Variants in THRB observed in about 807,000 individuals in gnomAD.
THRB encodes the protein thyroid hormone receptor beta, also known as nuclear receptor subfamily 1 group A member 2.
THRB carries 12 observed loss-of-function variants against 47.8 expected under a neutral mutation model. The ratio of observed to expected loss-of-function variants is 0.25; its 90% CI spans 0.16 to 0.41. The LOEUF is 0.41. Ranked by LOEUF, THRB falls within the 10% of genes least tolerant of loss-of-function variation. The pLI, the probability that THRB is intolerant of heterozygous loss-of-function variation, is 1.00. For missense variants in THRB, 348 were observed against 589.2 expected, an observed-to-expected ratio of 0.59 and a Z score of 4.24; for synonymous variants, 218 against 212.2, an observed-to-expected ratio of 1.03 and a Z score of -0.24.
At chr3:24,375,302 T>G (rs2065186841) in intron 1 of THRB, among the ~76,000 whole-genome samples, 1 of 147,566 alleles carries the variant, frequency 6.8e-6, no homozygotes, top group Non-Finnish European at 1.5e-5. Flanking sequence ...TTTAGAAATA[T>G]AATATTAATA....
At chr3:24,262,516 C>A (rs2052172194) in intron 3 of THRB, among the ~76,000 whole-genome samples, 1 of 152,188 alleles carries the variant, frequency 6.6e-6, no homozygotes, top group Admixed American at 6.5e-5. Context: ...TTGTTCCTCA[C>A]TCACTCCATT....
chr3:24,443,718 A>G (rs2071778188), intron 1 of THRB, among the ~76,000 whole-genome samples: 1 of 152,234 alleles, frequency 6.6e-6, no homozygotes, highest in South Asian at 2.1e-4. Context: ...CAATAATTCA[A>G]AAGAAACTAT....
chr3:24,400,782 T>G (rs1366406274), intron 1 of THRB, among the ~76,000 whole-genome samples: 1 of 152,098 alleles, frequency 6.6e-6, no homozygotes, highest in African/African-American at 2.4e-5. Flanking sequence ...CTGTAAACTC[T>G]GAAATCCGTG....
At chr3:24,421,800 G>A (rs2069290172) in intron 1 of THRB, among the ~76,000 whole-genome samples, 1 of 151,872 alleles carries the variant, frequency 6.6e-6, no homozygotes, top group Non-Finnish European at 1.5e-5. Flanking sequence ...GCTTGTAGTG[G>A]CAATTTGTTT....
At chr3:24,229,158 A>G (rs2047999503) in intron 3 of THRB, among the ~76,000 whole-genome samples, 157 bp from the exon 4 acceptor site, 1 of 152,200 alleles carries the variant, frequency 6.6e-6, no homozygotes, top group African/African-American at 2.4e-5. Context: ...GGGCTATGTG[A>G]TATGTGTAAA....
chr3:24,162,100 G>C (rs2149249924), intron 5 of THRB, among the ~76,000 whole-genome samples: 1 of 152,088 alleles, frequency 6.6e-6, no homozygotes, highest in South Asian at 2.1e-4. Context: ...TGCAGATGCA[G>C]GCTGTTCGGG....
intron 3 of THRB, among the ~76,000 whole-genome samples, chr3:24,273,730 C>T (rs1265683503): frequency 4.6e-5 from 7 of 152,108 alleles, no homozygotes; most frequent in Non-Finnish European, 7.3e-5. Flanking sequence ...GGGGCATTCC[C>T]CCAGATGTCA....
At chr3:24,332,174 A>G (rs1576907877) in intron 2 of THRB, among the ~76,000 whole-genome samples, 2 of 152,176 alleles carry the variant, frequency 1.3e-5, no homozygotes, top group African/African-American at 4.8e-5. Context: ...ACAGCTAGTA[A>G]TGGGTGCCTT....
chr3:24,209,045 A>T (rs528172252), intron 4 of THRB, among the ~76,000 whole-genome samples: 4 of 152,250 alleles, frequency 2.6e-5, no homozygotes, highest in African/African-American at 9.6e-5. Flanking sequence ...GACTCTTCTC[A>T]AAAGAAGACA....
At chr3:24,268,754 G>C (rs531164747) in intron 3 of THRB, among the ~76,000 whole-genome samples, 139 of 152,046 alleles carry the variant, frequency 9.1e-4, no homozygotes, top group African/African-American at 3.2e-3. Flanking sequence ...TGTTATCTCT[G>C]GGTGTTAAAG....
chr3:24,427,868 C>A (rs2069926571), intron 1 of THRB, among the ~76,000 whole-genome samples: 1 of 152,010 alleles, frequency 6.6e-6, no homozygotes, highest in African/African-American at 2.4e-5. Context: ...TTTCTTGATT[C>A]ACTTCCTGAG....
At chr3:24,293,703 G>A (rs1244472165) in intron 3 of THRB, among the ~76,000 whole-genome samples, 1 of 152,168 alleles carries the variant, frequency 6.6e-6, no homozygotes, top group South Asian at 2.1e-4. Flanking sequence ...TCCTGAGCAT[G>A]GCCTGATTAC....
chr3:24,307,642 G>T (rs1362791782), intron 2 of THRB, among the ~76,000 whole-genome samples: 1 of 151,850 alleles, frequency 6.6e-6, no homozygotes, highest in Non-Finnish European at 1.5e-5. Flanking sequence ...ATTCTGGATG[G>T]TTTTTTTTAG....
At chr3:24,235,100 T>C (rs2048725487) in intron 3 of THRB, among the ~76,000 whole-genome samples, 1 of 152,230 alleles carries the variant, frequency 6.6e-6, no homozygotes, top group African/African-American at 2.4e-5. Flanking sequence ...ATTAGGTTGA[T>C]GCAAAAGCAA....
intron 2 of THRB, among the ~76,000 whole-genome samples, chr3:24,323,443 C>G (rs1312241705): frequency 6.6e-6 from 1 of 152,140 alleles, no homozygotes; most frequent in African/African-American, 2.4e-5. Flanking sequence ...GTTGACTCAG[C>G]CTTCTCCAAT....
intron 1 of THRB, among the ~76,000 whole-genome samples, chr3:24,358,049 T>C (rs1044636291): frequency 6.6e-6 from 1 of 152,192 alleles, no homozygotes; most frequent in African/African-American, 2.4e-5. Flanking sequence ...TTCACTACTA[T>C]ATCCTTAGCC....
At chr3:24,254,491 G>A (rs2051037025) in intron 3 of THRB, among the ~76,000 whole-genome samples, 1 of 151,982 alleles carries the variant, frequency 6.6e-6, no homozygotes, top group African/African-American at 2.4e-5. Context: ...CCAAAAGAGT[G>A]GCTGCAAATA....
chr3:24,272,751 T>C (rs1313433922), intron 3 of THRB, among the ~76,000 whole-genome samples: 1 of 152,166 alleles, frequency 6.6e-6, no homozygotes, highest in South Asian at 2.1e-4. Flanking sequence ...GTAGTCACTT[T>C]TGTTGTGACC....
chr3:24,476,502 C>G (rs535604052), intron 1 of THRB, among the ~76,000 whole-genome samples: 6 of 152,310 alleles, frequency 3.9e-5, no homozygotes, highest in Admixed American at 6.5e-5. Flanking sequence ...CTTTTTAAAT[C>G]TGCAAAGCTA....
Sources: gnomAD v4.1 joint callset for allele counts (sites outside exome capture counted in the v4.1 genomes callset) on GRCh38, gnomAD v4.1.1 for gene constraint, MANE v1.5 for transcripts, NCBI Gene and HGNC (gene_info 2026-07-23, HGNC 2026-07-21) for gene names.